The following CLIC5 variants were observed in gnomAD, a reference collection of about 807,000 sequenced individuals.
The protein encoded by CLIC5 is chloride intracellular channel protein 5.
A neutral mutation model predicts 24.7 loss-of-function variants in CLIC5; 20 were observed. That is an observed-to-expected ratio of 0.81 (90% CI 0.57 to 1.18). The LOEUF (loss-of-function observed/expected upper bound fraction) is 1.18, where lower values mean the gene tolerates loss of function less well. Among genes scored for constraint, CLIC5 ranks in the 50% most tolerant of loss-of-function variants. CLIC5 has a pLI of 0.00. For synonymous variants in CLIC5, 159 were observed against 135.6 expected, an observed-to-expected ratio of 1.17 and a Z score of -1.20; for missense variants, 341 against 326.1, an observed-to-expected ratio of 1.05 and a Z score of -0.35.
In CLIC5 at chr6:45,958,445, T is replaced by TATACACACACACACACACACACAC. The variant is rs1554151294; in HGVS notation, c.64-3202_64-3201insGTGTGTGTGTGTGTGTGTGTGTAT. ...AATTATATATATATATATATATATA[T>TATACACACACACACACACACACAC]ATATATATATATATATATATATATA... On this transcript the variant is annotated intron_variant, in intron 1 of 5. Coordinates refer to ENST00000339561, the MANE Select transcript of CLIC5 (RefSeq NM_016929.5). Among the ~76,000 whole-genome samples the TATACACACACACACACACACACAC allele has an allele frequency of 1.6e-3, 125 of 76,450 alleles. 6 individuals carry two copies. The highest frequency in any genetic ancestry group is 2.9e-3 in the Non-Finnish European group (106 of 36,240). The allele number at this position is 76,450 out of a possible 152,430, so 50.2% of individuals were successfully genotyped here.
chr6:46,089,572 T>A, the CLIC5 span, among the ~76,000 whole-genome samples: 24,345 of 151,980 alleles, frequency 0.16, 2,185 homozygotes, highest in South Asian at 0.34. Context: ...GGGGTAGAAT[T>A]TGCTATCGGG....
At chr6:46,036,553 G>A (rs1173106783) in intron 1 of CLIC5, among the ~76,000 whole-genome samples, 1 of 152,012 alleles carries the variant, frequency 6.6e-6, no homozygotes, top group Non-Finnish European at 1.5e-5. Flanking sequence ...CTCGTGTTCC[G>A]CCTGCCTCGG....
chr6:45,916,126 C>A (rs1309467794), intron 4 of CLIC5, among the ~76,000 whole-genome samples: 1 of 152,218 alleles, frequency 6.6e-6, no homozygotes, highest in East Asian at 1.9e-4. Context: ...AATGGAAAGA[C>A]ACCAGCCCAA....
chr6:45,881,895 T>C (rs895048403), intron 6 of CLIC5, among the ~76,000 whole-genome samples: 1 of 151,982 alleles, frequency 6.6e-6, no homozygotes, highest in Admixed American at 6.6e-5. Flanking sequence ...GTCGAACTCG[T>C]GAACTTGGAC....
chr6:46,022,431 T>C lies in CLIC5; in HGVS notation c.540+57272A>G, dbSNP rs527831263. 3.9e-5 allele frequency among the ~76,000 whole-genome samples: 6 copies of C among 152,268 alleles called. No individual in the cohort carries two copies. In the East Asian group the frequency reaches 7.7e-4, roughly 20 times the overall value. Reference sequence around the variant, plus strand: ...CCCAGACAATCTCAAGGACTTGAGGTTTAAGCTGGAAGATTTTGATGACAG... The same window carrying C: ...CCCAGACAATCTCAAGGACTTGAGGCTTAAGCTGGAAGATTTTGATGACAG... On this transcript the variant is annotated intron_variant, in intron 1 of 5. Transcript: ENST00000185206.
intron 4 of CLIC5, among the ~76,000 whole-genome samples, chr6:45,922,259 G>A (rs1346161526): frequency 6.6e-6 from 1 of 152,190 alleles, no homozygotes; most frequent in Non-Finnish European, 1.5e-5. Context: ...TAGCGTTTAA[G>A]TCTTACAATT....
At chr6:45,886,586 G>A (rs562290632) in intron 6 of CLIC5, among the ~76,000 whole-genome samples, 3 of 152,286 alleles carry the variant, frequency 2.0e-5, no homozygotes, top group African/African-American at 7.2e-5. Flanking sequence ...TTGAGGATTA[G>A]CCAAGTGCCC....
chr6:46,041,911 G>A (rs1470989740), intron 1 of CLIC5, among the ~76,000 whole-genome samples: 2 of 152,082 alleles, frequency 1.3e-5, no homozygotes, highest in South Asian at 2.1e-4. Context: ...ATAATTTTTT[G>A]TATTGAGTCT....
At position 45,899,671 on chromosome 6, in the gene CLIC5, T is replaced by C. The variant is rs1762460700; in HGVS notation, c.*3417A>G. On this transcript the variant is annotated 3_prime_UTR_variant, in exon 6 of 6. Transcript: ENST00000339561. ...TAAGATGCTTGGTATTGTCTGTCTG[T>C]GGAGTGGCCATGGGGCACAGAACTG... 2 of 152,244 alleles carry C rather than the reference T, an allele frequency of 1.3e-5. No homozygotes were observed. The allele number at this position is 152,244 out of a possible 1,614,324, so 9.4% of individuals were successfully genotyped here. A position where few individuals can be genotyped will look rare whatever the true frequency, so the allele number is the denominator to read the frequency against.
At chr6:45,974,964 T>C (rs1272825823) in intron 1 of CLIC5, among the ~76,000 whole-genome samples, 1 of 152,168 alleles carries the variant, frequency 6.6e-6, no homozygotes, top group Non-Finnish European at 1.5e-5. Flanking sequence ...TGAAAGAACT[T>C]ACAGTTTTCA....
chr6:45,934,328 C>A lies in CLIC5; in HGVS notation c.406+7219G>T, dbSNP rs951799007. The A allele has an allele frequency of 5.3e-5, 8 of 151,938 alleles. No homozygotes were observed. In the South Asian group the frequency reaches 1.5e-3, roughly 28 times the overall value. The allele number at this position is 151,938 out of a possible 1,614,324, so 9.4% of individuals were successfully genotyped here. A position where few individuals can be genotyped will look rare whatever the true frequency, so the allele number is the denominator to read the frequency against. On this transcript the variant is annotated intron_variant, in intron 4 of 5. Transcript: ENST00000339561. Reference sequence around the variant, plus strand: ...GCATCCCTGGGAGTAGCTATAAAGCCTTTCTGGAACAAGTGGAGTATAAAT... The same window carrying A: ...GCATCCCTGGGAGTAGCTATAAAGCATTTCTGGAACAAGTGGAGTATAAAT...
At chr6:46,048,197 T>C (rs2127463896) in intron 1 of CLIC5, among the ~76,000 whole-genome samples, 1 of 152,246 alleles carries the variant, frequency 6.6e-6, no homozygotes, top group South Asian at 2.1e-4. Flanking sequence ...GAGACAGGGT[T>C]TTGCCATATT....
chr6:46,044,418 A>G (rs933832437), intron 1 of CLIC5, among the ~76,000 whole-genome samples: 3 of 152,186 alleles, frequency 2.0e-5, no homozygotes, highest in Non-Finnish European at 2.9e-5. Context: ...TGGCTTTGGA[A>G]AGAGATTTTA....
At chr6:45,906,790 G>A (rs1343212407) in intron 5 of CLIC5, among the ~76,000 whole-genome samples, 5 of 152,150 alleles carry the variant, frequency 3.3e-5, no homozygotes, top group Non-Finnish European at 7.4e-5. Flanking sequence ...TCGAACTCCC[G>A]ACCTCAGTCG....
Position 46,015,609 on chromosome 6 carries a change from A to G in CLIC5, c.-67T>C. On this transcript the variant is annotated 5_prime_UTR_variant, in exon 1 of 6. Coordinates refer to ENST00000339561, the MANE Select transcript of CLIC5 (RefSeq NM_016929.5). ...CCACCTCTGCAGCACCTGGGCCAGC[A>G]CTCTGCGCTCCTGCCGCTGCCCAGC... 1 of 1,453,342 alleles carries G rather than the reference A, an allele frequency of 6.9e-7. No homozygotes were observed. 90.0% of individuals were successfully genotyped at this position (1,453,342 alleles called of 1,614,324 possible). A position where few individuals can be genotyped will look rare whatever the true frequency, so the allele number is the denominator to read the frequency against.
At chr6:45,912,435 C>A in intron 5 of CLIC5, 1 of 1,170,200 alleles carries the variant, frequency 8.5e-7, no homozygotes, top group Non-Finnish European at 1.1e-6. Context: ...TTGGGAGATT[C>A]ATTTGTTTGC....
intron 1 of CLIC5, among the ~76,000 whole-genome samples, chr6:46,066,311 T>A (rs1762441906): frequency 6.6e-6 from 1 of 152,134 alleles, no homozygotes; most frequent in Non-Finnish European, 1.5e-5. Context: ...ACTCACTATA[T>A]CCCCTTTTTC....
At chr6:45,895,564 A>C (rs1762386638), downstream of CLIC5, among the ~76,000 whole-genome samples, 1 of 152,240 alleles carries the variant, frequency 6.6e-6, no homozygotes. Flanking sequence ...AAGGAAATGA[A>C]GAGTGAGATC....
chr6:46,015,374 G>A, intron 1 of CLIC5, 106 bp downstream of exon 1: 2 of 1,186,744 alleles, frequency 1.7e-6, no homozygotes, highest in South Asian at 3.8e-5. Context: ...ACAGGGCTCC[G>A]CGCCGCCCTC....
Sources: gnomAD v4.1 joint callset for allele counts (sites outside exome capture counted in the v4.1 genomes callset) on GRCh38, gnomAD v4.1.1 for gene constraint, MANE v1.5 for transcripts, NCBI Gene and HGNC (gene_info 2026-07-23, HGNC 2026-07-21) for gene names.